SLC35F3: variants seen among roughly 807,000 people sequenced by gnomAD.
The protein encoded by SLC35F3 is putative thiamine transporter SLC35F3.
In SLC35F3, 25 loss-of-function variants were observed where a neutral mutation model predicts 49.9. The ratio of observed to expected loss-of-function variants is 0.50; its 90% CI spans 0.37 to 0.70. SLC35F3 has a LOEUF of 0.70. Among genes scored for constraint, SLC35F3 ranks in the 30% least tolerant of loss-of-function variants. The pLI is 0.00. For missense variants in SLC35F3, 525 were observed against 639.8 expected, an observed-to-expected ratio of 0.82 and a Z score of 1.94; for synonymous variants, 275 against 265.4, an observed-to-expected ratio of 1.04 and a Z score of -0.35.
In SLC35F3 at chr1:234,230,924, C is replaced by A. The variant is rs193100889; in HGVS notation, c.284-493C>A. ...GCCACTTCTGTCAAGGTACTGGGACCTTTTAGAGGTCAGGACCTCCCCCTG... is the reference window on the plus strand; with the variant it reads ...GCCACTTCTGTCAAGGTACTGGGACATTTTAGAGGTCAGGACCTCCCCCTG... On this transcript the variant is annotated intron_variant, in intron 2 of 7. Transcript: ENST00000366618. Among the ~76,000 whole-genome samples the A allele has an allele frequency of 2.8e-3, 434 of 152,320 alleles. 2 individuals carry two copies. The highest frequency in any genetic ancestry group is 4.5e-3 in the Non-Finnish European group (309 of 68,030).
At position 234,231,592 on chromosome 1, in the gene SLC35F3, G is replaced by C. The variant is rs1667377119; in HGVS notation, c.459G>C (p.Thr153=). ...TGTGCTCCTCGTGGGCGGGCTCCAC[G>C]CAGCTCGCCAAGCTGACCTTCAGGA... is the stretch of plus-strand genomic sequence containing the variant. ...LCVCSSWAGS[T]QLAKLTFRKF... is the part of the protein sequence containing the mutation. The change falls in exon 3 of 8, where the codon ACG becomes ACC. Residue 153 remains threonine (T), a synonymous_variant. Coordinates refer to ENST00000366618, the MANE Select transcript of SLC35F3 (RefSeq NM_173508.4). The surrounding 1 kb of genome is among the most constrained non-coding windows in gnomAD (Gnocchi z 5.4). 6.2e-7 allele frequency: 1 copy of C among 1,614,092 alleles called. No individual in the cohort carries two copies. The highest frequency in any genetic ancestry group is 1.3e-5 in the African/African-American group (1 of 74,942).
intron 2 of SLC35F3, among the ~76,000 whole-genome samples, chr1:233,908,337 C>T (rs924432409): frequency 6.6e-6 from 1 of 152,140 alleles, no homozygotes; most frequent in Non-Finnish European, 1.5e-5. Flanking sequence ...GGATGTAAGT[C>T]ATTTGCCCTT....
At chr1:233,996,158 A>G (rs1301090568) in intron 2 of SLC35F3, among the ~76,000 whole-genome samples, 1 of 152,218 alleles carries the variant, frequency 6.6e-6, no homozygotes, top group African/African-American at 2.4e-5. Context: ...ATATTCAGGA[A>G]AAAACGGTTA....
intron 2 of SLC35F3, among the ~76,000 whole-genome samples, chr1:234,125,228 T>C (rs1665629584): frequency 6.6e-6 from 1 of 152,066 alleles, no homozygotes; most frequent in African/African-American, 2.4e-5. Flanking sequence ...CTACCCCAAA[T>C]TATCCTGCTT....
chr1:234,103,061 T>G (rs1665235856), intron 2 of SLC35F3, among the ~76,000 whole-genome samples: 1 of 152,170 alleles, frequency 6.6e-6, no homozygotes, highest in African/African-American at 2.4e-5. Flanking sequence ...GTGTATAAGA[T>G]TAGATTCACT....
intron 2 of SLC35F3, among the ~76,000 whole-genome samples, chr1:234,092,162 T>C (rs550911975): frequency 2.6e-5 from 4 of 152,132 alleles, no homozygotes; most frequent in African/African-American, 9.7e-5. Context: ...CTCCTGGAGG[T>C]TTAAGTTCCA....
Position 234,214,201 on chromosome 1 carries a change from G to A in SLC35F3, c.284-17216G>A. ...GAGCTGCGGGGTGGGAGCAGGGAGTGCACTTGTACGTGACGTTGGAGTTTG... is the reference window on the plus strand; with the variant it reads ...GAGCTGCGGGGTGGGAGCAGGGAGTACACTTGTACGTGACGTTGGAGTTTG... On this transcript the variant is annotated intron_variant, in intron 2 of 7. Transcript: ENST00000366618. This position sits in a 1 kb window ranked among gnomAD's most constrained non-coding sequence, Gnocchi z 8.0. 8.6e-7 allele frequency: 1 copy of A among 1,159,502 alleles called. No homozygotes were observed. Among genetic ancestry groups the A allele is most frequent in the Non-Finnish European group, 1.1e-6 (1 of 941,814 alleles). The allele number at this position is 1,159,502 out of a possible 1,614,324, so 71.8% of individuals were successfully genotyped here.
chr1:234,061,372 T>C (rs1664536370), intron 2 of SLC35F3, among the ~76,000 whole-genome samples: 1 of 152,192 alleles, frequency 6.6e-6, no homozygotes, highest in Non-Finnish European at 1.5e-5. Flanking sequence ...CAGTTTTCTC[T>C]TTCTGCTTTC....
chr1:234,276,635 A>G (rs1051037963), intron 3 of SLC35F3, among the ~76,000 whole-genome samples: 22 of 146,872 alleles, frequency 1.5e-4, no homozygotes, highest in African/African-American at 6.0e-4. Context: ...GTAATTAACA[A>G]GGAGGATTAT....
intron 2 of SLC35F3, among the ~76,000 whole-genome samples, chr1:234,187,822 A>C (rs1019759870): frequency 6.6e-6 from 1 of 152,160 alleles, no homozygotes; most frequent in Non-Finnish European, 1.5e-5. Flanking sequence ...TGCCAGAGGA[A>C]CTGGGAAAAG....
At chr1:234,227,850 G>T (rs867636613) in intron 2 of SLC35F3, among the ~76,000 whole-genome samples, 1 of 152,174 alleles carries the variant, frequency 6.6e-6, no homozygotes, top group Non-Finnish European at 1.5e-5. Context: ...CTTCCTCATT[G>T]TAACTCCTTC....
rs181889756 is a variant in SLC35F3 at position 234,140,737 on chromosome 1, A to G, written c.284-90680A>G. ...ATTGTCTTACTCACCCCTCCTTTGT[A>G]TATCTCGAAGTCAGGTTCAAGGCAA... On this transcript the variant is annotated intron_variant, in intron 2 of 7. Coordinates refer to ENST00000366618, the MANE Select transcript of SLC35F3 (RefSeq NM_173508.4). Among the ~76,000 whole-genome samples the G allele has an allele frequency of 2.5e-3, 377 of 152,316 alleles. 1 individual carries two copies. Among genetic ancestry groups the G allele is most frequent in the African/African-American group, 8.0e-3 (333 of 41,560 alleles).
chr1:234,297,307 T>C (rs1668619001), intron 3 of SLC35F3, among the ~76,000 whole-genome samples: 1 of 152,204 alleles, frequency 6.6e-6, no homozygotes, highest in African/African-American at 2.4e-5. Context: ...TGGGTATATA[T>C]ACAAAGGAAC....
chr1:234,058,864 C>A (rs574178605), intron 2 of SLC35F3, among the ~76,000 whole-genome samples: 1 of 151,904 alleles, frequency 6.6e-6, no homozygotes, highest in Non-Finnish European at 1.5e-5. Flanking sequence ...CATTATGTAT[C>A]TATTTAAATG....
At chr1:233,922,294 C>G (rs1662076044) in intron 2 of SLC35F3, among the ~76,000 whole-genome samples, 1 of 152,154 alleles carries the variant, frequency 6.6e-6, no homozygotes, top group Non-Finnish European at 1.5e-5. Flanking sequence ...CACATCCTCT[C>G]CAGCACCTGT....
At chr1:234,118,982 C>A (rs1447950923) in intron 2 of SLC35F3, among the ~76,000 whole-genome samples, 1 of 150,318 alleles carries the variant, frequency 6.7e-6, no homozygotes. Flanking sequence ...CTAAATCATT[C>A]TGTATTAGTT....
At chr1:234,159,782 CTCAT>C (rs1368106697) in intron 2 of SLC35F3, among the ~76,000 whole-genome samples, 1 of 152,128 alleles carries the variant, frequency 6.6e-6, no homozygotes, top group Non-Finnish European at 1.5e-5. Context: ...CATTCCCTCA[CTCAT>C]TCAGTTGTGT....
intron 3 of SLC35F3, among the ~76,000 whole-genome samples, chr1:234,255,996 A>G (rs1667816217): frequency 6.6e-6 from 1 of 152,212 alleles, no homozygotes; most frequent in Admixed American, 6.5e-5. Flanking sequence ...ATCAATCATA[A>G]CAAATGTACA....
chr1:233,957,940 AG>A lies in SLC35F3; in HGVS notation c.283+52185del, dbSNP rs1172481055. Among the ~76,000 whole-genome samples, 1 of 152,176 alleles carries A rather than the reference AG, an allele frequency of 6.6e-6. No homozygotes were observed. The highest frequency in any genetic ancestry group is 2.4e-5 in the African/African-American group (1 of 41,426). ...TATATGTTTGTGGTCAAGTGGGTCT[AG>A]GGTTCAACTTTGCTGAGGCTTAACT... On this transcript the variant is annotated intron_variant, in intron 2 of 7. Transcript: ENST00000366618. This position sits in a 1 kb window ranked among gnomAD's most constrained non-coding sequence, Gnocchi z 4.0.
Sources: allele counts gnomAD v4.1 joint callset (sites outside exome capture counted in the v4.1 genomes callset), GRCh38; gene constraint gnomAD v4.1.1; non-coding constraint Gnocchi (gnomAD v3.1); transcripts MANE v1.5; gene names NCBI Gene and HGNC (gene_info 2026-07-23, HGNC 2026-07-21).